PDE10A: variants seen among roughly 807,000 people sequenced by gnomAD.
PDE10A encodes phosphodiesterase 10A.
A neutral mutation model predicts 97.7 loss-of-function variants in PDE10A; 39 were observed. The ratio of observed to expected loss-of-function variants is 0.40; its 90% CI spans 0.31 to 0.52. The LOEUF (loss-of-function observed/expected upper bound fraction) is 0.52, where lower values mean the gene tolerates loss of function less well. Among genes scored for constraint, PDE10A ranks in the 20% least tolerant of loss-of-function variants. The pLI, the probability that PDE10A is intolerant of heterozygous loss-of-function variation, is 0.56. For synonymous variants in PDE10A, 371 were observed against 376.8 expected (o/e 0.98, Z 0.18); for missense variants, 731 against 1,047.8 (o/e 0.70, Z 4.17).
rs774418958 is a variant in PDE10A at position 165,343,554 on chromosome 6, T to C, written c.2784-52A>G. 3.1e-6 allele frequency: 4 copies of C among 1,272,882 alleles called. No homozygotes were observed. The South Asian group carries it at 4.8e-5, about 15-fold the overall frequency. 78.8% of individuals were successfully genotyped at this position (1,272,882 alleles called of 1,614,324 possible). On this transcript the variant is annotated intron_variant, in intron 18 of 21. Transcript: ENST00000539869. ...CAGCATAGCATTTGCACATTTATAG[T>C]AAGGACTAGAAAGACTTCTGTATTT...
intron 1 of PDE10A, among the ~76,000 whole-genome samples, chr6:165,826,112 G>C (rs989914423): frequency 6.6e-6 from 1 of 152,194 alleles, no homozygotes; most frequent in African/African-American, 2.4e-5. Flanking sequence ...GACACTTCCT[G>C]CTTTTCTCCT....
At chr6:165,457,424 GTAGTAC>G (rs1778022967) in intron 3 of PDE10A, among the ~76,000 whole-genome samples, 1 of 152,130 alleles carries the variant, frequency 6.6e-6, no homozygotes, top group Non-Finnish European at 1.5e-5. Context: ...CTGATTTCAT[GTAGTAC>G]TTGCGTTTTA....
chr6:165,482,192 G>C, intron 3 of PDE10A, 123 bp downstream of exon 3: 1 of 761,564 alleles, frequency 1.3e-6, no homozygotes. Flanking sequence ...TGATACTTTG[G>C]AGAGGAAACT....
chr6:165,971,976 T>C (rs1784688408), intron 1 of PDE10A, among the ~76,000 whole-genome samples: 1 of 151,958 alleles, frequency 6.6e-6, no homozygotes, highest in African/African-American at 2.4e-5. Context: ...GAATAAGGAG[T>C]GATACCTGAC....
chr6:165,648,998 C>T (rs1159417869), intron 1 of PDE10A, among the ~76,000 whole-genome samples: 1 of 152,140 alleles, frequency 6.6e-6, no homozygotes, highest in Non-Finnish European at 1.5e-5. Context: ...CAATCGCCAC[C>T]AGGGTTTTCC....
chr6:165,625,582 C>A (rs1201926932), intron 1 of PDE10A, among the ~76,000 whole-genome samples: 2 of 152,184 alleles, frequency 1.3e-5, no homozygotes, highest in African/African-American at 2.4e-5. Context: ...AGAATTCCCA[C>A]CTGTCATGGG....
chr6:165,525,077 AGCC>A (rs1782351473), intron 2 of PDE10A, among the ~76,000 whole-genome samples: 1 of 152,044 alleles, frequency 6.6e-6, no homozygotes, highest in African/African-American at 2.4e-5. Context: ...TCTCCTCAGG[AGCC>A]ACCCCCAATA....
chr6:165,860,367 C>T (rs1247177613), intron 1 of PDE10A, among the ~76,000 whole-genome samples: 3 of 152,122 alleles, frequency 2.0e-5, no homozygotes, highest in Non-Finnish European at 4.4e-5. Context: ...GCAGGAGAAT[C>T]GCTGAACCCG....
upstream of PDE10A, among the ~76,000 whole-genome samples, chr6:165,667,456 ATTAT>A (rs1352212276): frequency 6.6e-6 from 1 of 152,154 alleles, no homozygotes; most frequent in Non-Finnish European, 1.5e-5. Flanking sequence ...AGGTTATATC[ATTAT>A]TTATTTAATA....
intron 1 of PDE10A, among the ~76,000 whole-genome samples, chr6:165,556,573 G>C (rs1319582643): frequency 6.6e-6 from 1 of 152,176 alleles, no homozygotes; most frequent in East Asian, 1.9e-4. Context: ...AAACCACTAA[G>C]ACCCAACTCT....
chr6:165,604,209 C>T (rs62426702), intron 1 of PDE10A, among the ~76,000 whole-genome samples: 15,631 of 152,148 alleles, frequency 0.1, 956 homozygotes, highest in Non-Finnish European at 0.13. Context: ...ACTATTCATT[C>T]GTCTTCATGG....
intron 2 of PDE10A, among the ~76,000 whole-genome samples, chr6:165,503,186 G>T (rs1383689665): frequency 6.6e-6 from 1 of 152,140 alleles, no homozygotes; most frequent in Non-Finnish European, 1.5e-5. Context: ...GAGGGCAGCA[G>T]CAGGGGAGAT....
At position 165,450,351 on chromosome 6, in the gene PDE10A, C is replaced by G; in HGVS notation, c.1035G>C (p.Thr345=). The stretch of plus-strand genomic sequence containing the variant: ...GTTCATATACAACTCCCTGCATATT[C>G]GTATCTTGGTACTTTGGATTAAAAA... ...APKEVSRYQD[T]NMQGVVYELN... is the part of the protein sequence containing the mutation. The change falls in exon 4 of 22, where the codon ACG becomes ACC. Residue 345 remains threonine (T), a synonymous_variant. Coordinates refer to ENST00000539869, the MANE Select transcript of PDE10A (RefSeq NM_001385079.1). 6.5e-7 allele frequency: 1 copy of G among 1,534,274 alleles called. No homozygotes were observed. Among genetic ancestry groups the G allele is most frequent in the Non-Finnish European group, 8.9e-7 (1 of 1,122,736 alleles).
chr6:165,565,172 GATGAC>G (rs1190930453), intron 1 of PDE10A, among the ~76,000 whole-genome samples: 1 of 152,160 alleles, frequency 6.6e-6, no homozygotes, highest in Non-Finnish European at 1.5e-5. Context: ...ACTGTTCACA[GATGAC>G]ATGACTGTCT....
At chr6:165,561,079 CGTG>C (rs1212080232) in intron 1 of PDE10A, among the ~76,000 whole-genome samples, 2 of 151,832 alleles carry the variant, frequency 1.3e-5, no homozygotes, top group Non-Finnish European at 2.9e-5. Flanking sequence ...ATTAGCCAGG[CGTG>C]GTGGCGGGCA....
intron 1 of PDE10A, among the ~76,000 whole-genome samples, chr6:165,911,645 C>T (rs914038579): frequency 5.9e-5 from 9 of 152,232 alleles, no homozygotes. Context: ...ACTTCCATTC[C>T]CTGACATCAG....
chr6:165,857,280 C>A (rs1411456174), intron 1 of PDE10A, among the ~76,000 whole-genome samples: 1 of 152,178 alleles, frequency 6.6e-6, no homozygotes, highest in Admixed American at 6.5e-5. Flanking sequence ...TTGACCCGGA[C>A]CTGAACCCCA....
At chr6:165,666,699 G>A (rs7763518), upstream of PDE10A, among the ~76,000 whole-genome samples, 6,986 of 151,534 alleles carry the variant, frequency 0.046, 370 homozygotes, top group African/African-American at 0.13. Flanking sequence ...GTATTTCCAG[G>A]AAACCTCCTT....
At chr6:165,647,824 C>T (rs1789479826) in intron 1 of PDE10A, among the ~76,000 whole-genome samples, 1 of 152,178 alleles carries the variant, frequency 6.6e-6, no homozygotes, top group Non-Finnish European at 1.5e-5. Flanking sequence ...GGCTACGTGT[C>T]TCAGCACTTG....
Sources: allele counts gnomAD v4.1 joint callset (sites outside exome capture counted in the v4.1 genomes callset), GRCh38; gene constraint gnomAD v4.1.1; transcripts MANE v1.5; gene names NCBI Gene and HGNC (gene_info 2026-07-23, HGNC 2026-07-21).